The following PPM1H variants were observed in gnomAD, a reference collection of about 807,000 sequenced individuals.
PPM1H encodes protein phosphatase, Mg2+/Mn2+ dependent 1H.
Under a neutral mutation model 54.9 loss-of-function variants are expected in PPM1H, and 27 were observed. The ratio of observed to expected loss-of-function variants is 0.49; its 90% CI spans 0.36 to 0.68. PPM1H has a LOEUF of 0.68. PPM1H is among the 30% of genes least tolerant of loss of function. The probability of loss-of-function intolerance (pLI) is 0.00; values close to 1 mark genes in which losing one functional copy is unlikely to be tolerated. For missense variants in PPM1H, 596 were observed against 667.8 expected, an observed-to-expected ratio of 0.89 and a Z score of 1.19; for synonymous variants, 305 against 270.8, an observed-to-expected ratio of 1.13 and a Z score of -1.24.
chr12:62,931,516 T>C (rs1332270921), intron 1 of PPM1H, among the ~76,000 whole-genome samples: 2 of 152,212 alleles, frequency 1.3e-5, no homozygotes, highest in Non-Finnish European at 2.9e-5. Flanking sequence ...AAGGAAGCGG[T>C]ACAGTATATT....
chr12:62,684,932 C>T (rs1420916512), intron 8 of PPM1H, among the ~76,000 whole-genome samples: 5 of 152,032 alleles, frequency 3.3e-5, no homozygotes, highest in African/African-American at 1.2e-4. Flanking sequence ...ACAGGGGGTT[C>T]CTTGTACCTA....
At chr12:62,681,287 G>A (rs919532379) in intron 8 of PPM1H, among the ~76,000 whole-genome samples, 3 of 152,114 alleles carry the variant, frequency 2.0e-5, no homozygotes, top group Admixed American at 6.5e-5. Flanking sequence ...GCGAAGTCTT[G>A]TTTTTTAAAT....
intron 9 of PPM1H, 57 bp from the exon 10 acceptor site, chr12:62,648,693 T>G (rs1333770408): frequency 6.4e-7 from 1 of 1,568,336 alleles, no homozygotes. Context: ...GAAGCCAGGG[T>G]CAAGTGAGGC....
In PPM1H at chr12:62,820,717, G is replaced by C. The variant is rs535581065; in HGVS notation, c.411+11397C>G. ...GAAAACTAACAAACAGAAAGGAATA[G>C]CATCAGCATCAACAAAAAGGACATC... On this transcript the variant is annotated intron_variant, in intron 2 of 9. Coordinates refer to ENST00000228705, the MANE Select transcript of PPM1H (RefSeq NM_020700.2). Among the ~76,000 whole-genome samples, 3 of 152,294 alleles carry C rather than the reference G, an allele frequency of 2.0e-5. No individual in the cohort carries two copies. In the East Asian group the frequency reaches 5.8e-4, roughly 29 times the overall value.
rs11174668 is a variant in PPM1H at position 62,811,947 on chromosome 12, T to A, written c.412-9787A>T. On this transcript the variant is annotated intron_variant, in intron 2 of 9. Transcript: ENST00000228705. The stretch of plus-strand genomic sequence containing the variant: ...AATCCCCCTAACATCACAATAAAAT[T>A]GTTGTCACTCCATTTTGCCAACAGT... Among the ~76,000 whole-genome samples, 12 of 152,320 alleles carry A rather than the reference T, an allele frequency of 7.9e-5. No individual in the cohort carries two copies. In the South Asian group the frequency reaches 1.5e-3, roughly 18 times the overall value.
At chr12:62,924,966 C>T (rs1167208432) in intron 1 of PPM1H, among the ~76,000 whole-genome samples, 1 of 151,962 alleles carries the variant, frequency 6.6e-6, no homozygotes, top group Admixed American at 6.6e-5. Context: ...TCGCTTGAAC[C>T]CAGGAGGCAG....
intron 1 of PPM1H, among the ~76,000 whole-genome samples, chr12:62,841,754 C>T (rs528416118): frequency 1.4e-4 from 21 of 152,072 alleles, no homozygotes; most frequent in Non-Finnish European, 2.6e-4. Context: ...ATTTGGAGGC[C>T]ATCACTAACT....
At chr12:62,804,277 CGAG>C (rs2076790611) in intron 2 of PPM1H, among the ~76,000 whole-genome samples, 1 of 150,652 alleles carries the variant, frequency 6.6e-6, no homozygotes, top group Non-Finnish European at 1.5e-5. Context: ...TCCCTTGAAT[CGAG>C]GAGAAGGAGG....
At chr12:62,649,354 A>AT (rs2075804000) in intron 9 of PPM1H, among the ~76,000 whole-genome samples, 1 of 152,190 alleles carries the variant, frequency 6.6e-6, no homozygotes, top group Non-Finnish European at 1.5e-5. Context: ...GATTGCTGAG[A>AT]TTTAAACTGT....
At chr12:62,824,696 A>G (rs1868269141) in intron 2 of PPM1H, among the ~76,000 whole-genome samples, 1 of 152,232 alleles carries the variant, frequency 6.6e-6, no homozygotes, top group Non-Finnish European at 1.5e-5. Flanking sequence ...CTGGCTAGCC[A>G]TATGTAGAAA....
chr12:62,853,347 A>C (rs1014393497), intron 1 of PPM1H, among the ~76,000 whole-genome samples: 4 of 152,238 alleles, frequency 2.6e-5, no homozygotes, highest in African/African-American at 9.6e-5. Context: ...ACACTTCTAC[A>C]TGTTTGAAAT....
Position 62,904,315 on chromosome 12 carries a change from T to C in PPM1H, c.245+30177A>G, listed in dbSNP as rs566672328. On this transcript the variant is annotated intron_variant, in intron 1 of 9. Coordinates refer to ENST00000228705, the MANE Select transcript of PPM1H (RefSeq NM_020700.2). ...GTGCAGTGGCATGATCTTGGCTCAC[T>C]GCAACCTCCACCTCCCAGGCTCAAG... Among the ~76,000 whole-genome samples the C allele has an allele frequency of 7.3e-4, 111 of 152,192 alleles. 2 individuals are homozygous for C. The highest frequency in any genetic ancestry group is 2.4e-3 in the African/African-American group (101 of 41,512).
In PPM1H at chr12:62,666,711, G is replaced by T. The variant is rs138792677; in HGVS notation, c.1397+467C>A. ...GGGGGATTTTTATTTGGCAGAGAAA[G>T]TACCTCTTTTTTTTTGTTTTGTGAC... is the stretch of plus-strand genomic sequence containing the variant. On this transcript the variant is annotated intron_variant, in intron 9 of 9. Coordinates refer to ENST00000228705, the MANE Select transcript of PPM1H (RefSeq NM_020700.2). Among the ~76,000 whole-genome samples the T allele has an allele frequency of 2.1e-3, 315 of 152,120 alleles. 2 individuals carry two copies. Among genetic ancestry groups the T allele is most frequent in the African/African-American group, 7.4e-3 (306 of 41,506 alleles).
intron 1 of PPM1H, among the ~76,000 whole-genome samples, chr12:62,838,781 C>G (rs1868600027): frequency 7.5e-6 from 1 of 133,366 alleles, no homozygotes; most frequent in Admixed American, 7.3e-5. Flanking sequence ...ATTAGCCGGG[C>G]GTAGTGGCGG....
intron 1 of PPM1H, among the ~76,000 whole-genome samples, chr12:62,880,309 G>T (rs978330147): frequency 6.6e-6 from 1 of 152,202 alleles, no homozygotes; most frequent in African/African-American, 2.4e-5. Flanking sequence ...TGGCCAGGAT[G>T]ATTGTTGGGG....
At position 62,657,979 on chromosome 12, in the gene PPM1H, TAATACTGCATA is replaced by T. The variant is rs531825143; in HGVS notation, c.1397+9188_1397+9198del. Among the ~76,000 whole-genome samples the T allele has an allele frequency of 6.0e-4, 89 of 149,068 alleles. No homozygotes were observed. The East Asian group carries it at 0.014, about 23-fold the overall frequency. ...TATGGTATACTGGTTCTTACAGATT[TAATACTGCATA>T]AATACTGCATAAAAAGCCCCTCAAG... On this transcript the variant is annotated intron_variant, in intron 9 of 9. Transcript: ENST00000228705.
chr12:62,832,050 C>G, intron 2 of PPM1H, 64 bp downstream of exon 2: 3 of 1,556,276 alleles, frequency 1.9e-6, no homozygotes, highest in Non-Finnish European at 1.8e-6. Flanking sequence ...CTAATGTCTT[C>G]CAGTGGGACC....
chr12:62,758,853 G>A (rs1011604008), intron 4 of PPM1H, among the ~76,000 whole-genome samples: 1 of 152,172 alleles, frequency 6.6e-6, no homozygotes, highest in African/African-American at 2.4e-5. Flanking sequence ...AGCAACTGAA[G>A]ATCCACAAAA....
intron 1 of PPM1H, among the ~76,000 whole-genome samples, chr12:62,881,926 T>C (rs1489942281): frequency 1.3e-5 from 2 of 152,324 alleles, no homozygotes; most frequent in South Asian, 2.1e-4. Flanking sequence ...ATGATGGACA[T>C]GTTCTAGATC....
Sources: gnomAD v4.1 joint callset for allele counts (sites outside exome capture counted in the v4.1 genomes callset) on GRCh38, gnomAD v4.1.1 for gene constraint, MANE v1.5 for transcripts, NCBI Gene and HGNC (gene_info 2026-07-23, HGNC 2026-07-21) for gene names.